ZFYVE9: variants seen among roughly 807,000 people sequenced by gnomAD.
ZFYVE9 encodes the protein zinc finger FYVE domain-containing protein 9.
Under a neutral mutation model 126.7 loss-of-function variants are expected in ZFYVE9, and 43 were observed. That is an observed-to-expected ratio of 0.34 (90% CI 0.27 to 0.44). ZFYVE9 has a LOEUF of 0.44. Ranked by LOEUF, ZFYVE9 falls within the 20% of genes least tolerant of loss-of-function variation. The pLI is 1.00. For synonymous variants in ZFYVE9, 521 were observed against 597.4 expected, an observed-to-expected ratio of 0.87 and a Z score of 1.87; for missense variants, 1,476 against 1,697.0, an observed-to-expected ratio of 0.87 and a Z score of 2.29.
intron 4 of ZFYVE9, among the ~76,000 whole-genome samples, chr1:52,261,347 C>G (rs1278849977): frequency 1.3e-5 from 2 of 151,332 alleles, no homozygotes; most frequent in Non-Finnish European, 1.5e-5. Flanking sequence ...AAGCCATCTT[C>G]CTGCCTCAGC....
chr1:52,300,792 A>C (rs548525689), intron 12 of ZFYVE9, among the ~76,000 whole-genome samples: 2 of 149,734 alleles, frequency 1.3e-5, no homozygotes, highest in South Asian at 4.2e-4. Context: ...TCTTTATTTG[A>C]TCTTCATATT....
intron 8 of ZFYVE9, among the ~76,000 whole-genome samples, chr1:52,274,987 A>G (rs1645731308): frequency 6.6e-6 from 1 of 152,224 alleles, no homozygotes; most frequent in Admixed American, 6.5e-5. Flanking sequence ...AGAGCACTGA[A>G]TTTAAATGGC....
intron 1 of ZFYVE9, among the ~76,000 whole-genome samples, chr1:52,182,084 C>T (rs1039120110): frequency 4.0e-5 from 6 of 149,754 alleles, no homozygotes; most frequent in South Asian, 2.1e-4. Flanking sequence ...CTGCCCCGTC[C>T]GGAGGGAGGT....
intron 9 of ZFYVE9, among the ~76,000 whole-genome samples, chr1:52,280,214 CAAA>C (rs747397812): frequency 4.9e-5 from 4 of 82,036 alleles, no homozygotes; most frequent in Non-Finnish European, 5.3e-5. Context: ...TCATCCCTAC[CAAA>C]AAAAAAAAAA....
chr1:52,212,903 T>C (rs1645040551), intron 1 of ZFYVE9, among the ~76,000 whole-genome samples: 1 of 152,234 alleles, frequency 6.6e-6, no homozygotes, highest in Non-Finnish European at 1.5e-5. Flanking sequence ...GGAGATGACA[T>C]TTGAGTGGAA....
intron 1 of ZFYVE9, among the ~76,000 whole-genome samples, chr1:52,210,961 TTC>T (rs1354451403): frequency 6.6e-6 from 1 of 152,104 alleles, no homozygotes; most frequent in Non-Finnish European, 1.5e-5. Context: ...GGCCAGGTAT[TTC>T]TCTCTTAGGG....
chr1:52,299,528 C>T (rs1358056051), intron 12 of ZFYVE9, among the ~76,000 whole-genome samples: 1 of 152,206 alleles, frequency 6.6e-6, no homozygotes, highest in Admixed American at 6.5e-5. Flanking sequence ...ATGATGTTAG[C>T]TGTGGGTTTG....
At chr1:52,233,955 A>G (rs958067301) in intron 3 of ZFYVE9, among the ~76,000 whole-genome samples, 10 of 151,872 alleles carry the variant, frequency 6.6e-5, no homozygotes, top group African/African-American at 2.2e-4. Flanking sequence ...TAATTTTTGT[A>G]TTTTTAGTAC....
intron 16 of ZFYVE9, among the ~76,000 whole-genome samples, chr1:52,339,026 G>T (rs1646412953): frequency 6.6e-6 from 1 of 152,130 alleles, no homozygotes; most frequent in Non-Finnish European, 1.5e-5. Context: ...AAAAAAAATA[G>T]AGATTCAAGA....
chr1:52,246,759 G>T (rs547784319), intron 4 of ZFYVE9, among the ~76,000 whole-genome samples: 35 of 148,264 alleles, frequency 2.4e-4, no homozygotes, highest in African/African-American at 8.0e-4. Context: ...CCAGGCTGGA[G>T]TGCAGTAGCA....
chr1:52,282,897 A>C (rs1456410847), intron 10 of ZFYVE9, among the ~76,000 whole-genome samples: 4 of 152,214 alleles, frequency 2.6e-5, no homozygotes, highest in Non-Finnish European at 5.9e-5. Context: ...TCTTTAAATA[A>C]TTACAGAAGC....
chr1:52,244,921 G>A (rs962013202), intron 4 of ZFYVE9, among the ~76,000 whole-genome samples: 1 of 152,218 alleles, frequency 6.6e-6, no homozygotes, highest in South Asian at 2.1e-4. Context: ...ACTTTGGGAG[G>A]CTGAGGCAAG....
rs923287717 is a variant in ZFYVE9, at chr1:52,331,873, G to T, written c.3439-895G>T. Among the ~76,000 whole-genome samples the T allele has an allele frequency of 4.0e-5, 6 of 151,192 alleles. No individual in the cohort carries two copies. In the South Asian group the frequency reaches 1.1e-3, roughly 27 times the overall value. The stretch of plus-strand genomic sequence containing the variant: ...GGCTCACTGCAAGCTCCGCCTCCCG[G>T]GTTCATGCCATTCGCCTGCCTCAGC... On this transcript the variant is annotated intron_variant, in intron 13 of 18. Coordinates refer to ENST00000287727, the MANE Select transcript of ZFYVE9 (RefSeq NM_004799.4).
intron 1 of ZFYVE9, among the ~76,000 whole-genome samples, chr1:52,186,875 AT>A (rs1644770683): frequency 6.6e-6 from 1 of 152,228 alleles, no homozygotes; most frequent in Non-Finnish European, 1.5e-5. Flanking sequence ...AATCAATATC[AT>A]TAAAATGGCC....
chr1:52,152,112 C>T (rs1234980679), intron 1 of ZFYVE9, among the ~76,000 whole-genome samples: 1 of 152,124 alleles, frequency 6.6e-6, no homozygotes, highest in Non-Finnish European at 1.5e-5. Flanking sequence ...GCCTCAGCCT[C>T]CTGATTAGCT....
intron 12 of ZFYVE9, among the ~76,000 whole-genome samples, chr1:52,298,804 A>ATTT (rs1553133751): frequency 7.6e-6 from 1 of 131,392 alleles, no homozygotes; most frequent in South Asian, 2.5e-4. Flanking sequence ...TCCTTTGTCA[A>ATTT]TGTTTTTTTT....
chr1:52,157,275 A>G (rs1218321936), intron 1 of ZFYVE9, among the ~76,000 whole-genome samples: 1 of 150,776 alleles, frequency 6.6e-6, no homozygotes, highest in Non-Finnish European at 1.5e-5. Context: ...GTAGGTTTTT[A>G]TTGGTGCAAT....
At chr1:52,275,268 G>T (rs1230493183) in intron 8 of ZFYVE9, among the ~76,000 whole-genome samples, 2 of 152,034 alleles carry the variant, frequency 1.3e-5, no homozygotes, top group East Asian at 3.9e-4. Context: ...TTGAGACAGG[G>T]TCTCTTTATC....
chr1:52,178,329 CTT>C (rs796749185), intron 1 of ZFYVE9, among the ~76,000 whole-genome samples: 2 of 114,438 alleles, frequency 1.7e-5, no homozygotes, highest in Admixed American at 8.7e-5. Flanking sequence ...CATATTTGGG[CTT>C]TTTTTTTTTT....
Sources: allele counts gnomAD v4.1 joint callset (sites outside exome capture counted in the v4.1 genomes callset), GRCh38; gene constraint gnomAD v4.1.1; transcripts MANE v1.5; gene names NCBI Gene and HGNC (gene_info 2026-07-23, HGNC 2026-07-21).